The following NAALADL2 variants were observed in gnomAD, a reference collection of about 807,000 sequenced individuals.
NAALADL2 encodes the protein inactive N-acetylated-alpha-linked acidic dipeptidase-like protein 2.
A neutral mutation model predicts 87.2 loss-of-function variants in NAALADL2; 76 were observed. The observed-to-expected ratio is 0.87, with a 90% confidence interval of 0.72 to 1.05. The LOEUF (loss-of-function observed/expected upper bound fraction) is 1.05, where lower values mean the gene tolerates loss of function less well. Among genes scored for constraint, NAALADL2 ranks in the 50% least tolerant of loss-of-function variants. NAALADL2 has a pLI of 0.00. For missense variants in NAALADL2, 1,089 were observed against 945.8 expected (o/e 1.15, Z -1.99); for synonymous variants, 354 against 331.0 (o/e 1.07, Z -0.75).
intron 1 of NAALADL2, among the ~76,000 whole-genome samples, chr3:175,012,332 TA>T (rs1458376088): frequency 1.4e-5 from 2 of 145,016 alleles, no homozygotes; most frequent in Non-Finnish European, 3.0e-5. Context: ...GCCTGGCTAA[TA>T]TTTTTTTTAT....
At chr3:174,896,969 A>C (rs1029099155) in intron 1 of NAALADL2, among the ~76,000 whole-genome samples, 2 of 152,218 alleles carry the variant, frequency 1.3e-5, no homozygotes, top group Non-Finnish European at 2.9e-5. Flanking sequence ...TGGGATATCC[A>C]TATGCAAACA....
At chr3:175,728,077 T>A (rs868220847) in intron 11 of NAALADL2, among the ~76,000 whole-genome samples, 14 of 152,270 alleles carry the variant, frequency 9.2e-5, no homozygotes, top group East Asian at 1.9e-4. Context: ...AGTAATTTTT[T>A]TATATATATA....
At position 175,772,390 on chromosome 3, in the gene NAALADL2, A is replaced by G. The variant is rs145638600; in HGVS notation, c.2189+16972A>G. On this transcript the variant is annotated intron_variant, in intron 13 of 13. Coordinates refer to ENST00000454872, the MANE Select transcript of NAALADL2 (RefSeq NM_207015.3). ...CTGATAAACTACAATAAGAAGCAGT[A>G]AAAGAAAGCTGGAAGTCAGGAGGAG... Among the ~76,000 whole-genome samples the G allele has an allele frequency of 1.5e-3, 233 of 152,270 alleles. 3 individuals carry two copies. Among genetic ancestry groups the G allele is most frequent in the East Asian group, 0.012 (63 of 5,172 alleles).
chr3:175,581,224 C>T (rs909491308), intron 10 of NAALADL2: 14 of 315,132 alleles, frequency 4.4e-5, no homozygotes, highest in South Asian at 1.0e-4. Flanking sequence ...GGAGGATCAC[C>T]GGAGGTCAGG....
intron 1 of NAALADL2, among the ~76,000 whole-genome samples, chr3:174,913,199 C>T (rs1392939191): frequency 1.3e-5 from 2 of 152,110 alleles, no homozygotes; most frequent in African/African-American, 4.8e-5. Flanking sequence ...TTCGACTTGT[C>T]TTACCAACTA....
intron 1 of NAALADL2, among the ~76,000 whole-genome samples, chr3:174,500,206 T>C (rs1718798492): frequency 6.6e-6 from 1 of 152,144 alleles, no homozygotes; most frequent in African/African-American, 2.4e-5. Context: ...TTTTTCTAAA[T>C]TCGAATTTCT....
intron 1 of NAALADL2, among the ~76,000 whole-genome samples, chr3:175,021,304 G>T (rs1360587926): frequency 2.0e-5 from 3 of 151,936 alleles, no homozygotes; most frequent in African/African-American, 7.3e-5. Context: ...GTTAGACACT[G>T]TGTTTCTAGT....
intron 9 of NAALADL2, among the ~76,000 whole-genome samples, chr3:175,494,938 A>G (rs1282020399): frequency 6.6e-6 from 1 of 151,774 alleles, no homozygotes; most frequent in African/African-American, 2.4e-5. Flanking sequence ...CAAGATTTGC[A>G]GTATTTTCTC....
chr3:174,713,614 G>A (rs1021408130), intron 2 of NAALADL2, among the ~76,000 whole-genome samples: 3 of 152,194 alleles, frequency 2.0e-5, no homozygotes, highest in Admixed American at 2.0e-4. Context: ...TTTGAGAAGT[G>A]TCTGTTCATA....
chr3:175,589,995 G>A (rs1033909044), intron 10 of NAALADL2, among the ~76,000 whole-genome samples: 4 of 152,064 alleles, frequency 2.6e-5, no homozygotes, highest in Admixed American at 2.0e-4. Flanking sequence ...GGCGGGTCAC[G>A]AGGTCAGGAG....
chr3:175,426,385 A>G (rs1160338849), intron 5 of NAALADL2, among the ~76,000 whole-genome samples: 1 of 152,102 alleles, frequency 6.6e-6, no homozygotes, highest in Admixed American at 6.6e-5. Flanking sequence ...AGCAAAACAA[A>G]AATGACTTAC....
intron 5 of NAALADL2, among the ~76,000 whole-genome samples, chr3:175,337,651 T>A (rs1762128478): frequency 6.6e-6 from 1 of 152,182 alleles, no homozygotes; most frequent in African/African-American, 2.4e-5. Flanking sequence ...TAAATTTCTA[T>A]TGTTTTAAGC....
intron 3 of NAALADL2, among the ~76,000 whole-genome samples, chr3:174,825,278 G>A (rs1721856362): frequency 6.6e-6 from 1 of 151,862 alleles, no homozygotes; most frequent in African/African-American, 2.4e-5. Flanking sequence ...AGGAGACATA[G>A]AGTAATTCCC....
intron 2 of NAALADL2, among the ~76,000 whole-genome samples, chr3:174,606,606 G>A (rs763721424): frequency 6.6e-6 from 1 of 151,962 alleles, no homozygotes; most frequent in Non-Finnish European, 1.5e-5. Flanking sequence ...GAAGCAAGAA[G>A]GGAAGTTTAG....
At chr3:174,502,860 C>T (rs1387502767) in intron 1 of NAALADL2, among the ~76,000 whole-genome samples, 1 of 151,950 alleles carries the variant, frequency 6.6e-6, no homozygotes, top group African/African-American at 2.4e-5. Flanking sequence ...GAAACCCCGT[C>T]TCTACTAAAA....
At chr3:174,956,496 A>C (rs1265068128) in intron 1 of NAALADL2, among the ~76,000 whole-genome samples, 1 of 152,128 alleles carries the variant, frequency 6.6e-6, no homozygotes, top group East Asian at 1.9e-4. Context: ...CTCCTATAAA[A>C]TAATAAAAAT....
At chr3:174,559,151 G>T in intron 2 of NAALADL2, among the ~76,000 whole-genome samples, 1 of 152,100 alleles carries the variant, frequency 6.6e-6, no homozygotes, top group East Asian at 1.9e-4. Flanking sequence ...TGTATTTCAC[G>T]GTGAGCAGGT....
At chr3:174,965,588 G>T (rs1036524488) in intron 1 of NAALADL2, among the ~76,000 whole-genome samples, 6 of 152,040 alleles carry the variant, frequency 3.9e-5, no homozygotes, top group African/African-American at 1.4e-4. Context: ...GATATACAAT[G>T]AAATATTTTT....
intron 4 of NAALADL2, among the ~76,000 whole-genome samples, chr3:175,268,474 A>C (rs929790868): frequency 2.0e-5 from 3 of 152,168 alleles, no homozygotes; most frequent in Non-Finnish European, 4.4e-5. Flanking sequence ...TGTAGACTTT[A>C]TAAACACTTT....
Sources: allele counts gnomAD v4.1 joint callset (sites outside exome capture counted in the v4.1 genomes callset), GRCh38; gene constraint gnomAD v4.1.1; transcripts MANE v1.5; gene names NCBI Gene and HGNC (gene_info 2026-07-23, HGNC 2026-07-21).